UBC: variants seen among roughly 807,000 people sequenced by gnomAD.
UBC encodes polyubiquitin-C.
A neutral mutation model predicts 34.7 loss-of-function variants in UBC; 8 were observed. The ratio of observed to expected loss-of-function variants is 0.23; its 90% CI spans 0.14 to 0.42. The LOEUF is 0.42. UBC is among the 10% of genes least tolerant of loss of function. The pLI is 1.00. For synonymous variants in UBC, 367 were observed against 299.8 expected (o/e 1.22, Z -2.32); for missense variants, 323 against 750.3 (o/e 0.43, Z 6.65).
rs1953531680 is a variant in UBC at position 124,911,889 on chromosome 12, C to T, written c.1883G>A (p.Ser628Asn). 6.2e-7 allele frequency: 1 copy of T among 1,610,844 alleles called. No homozygotes were observed. Among genetic ancestry groups the T allele is most frequent in the East Asian group, 2.2e-5 (1 of 44,756 alleles). The change falls in exon 2 of 2, where the codon AGT (serine) becomes AAT (asparagine). Residue 628 changes from serine to asparagine, a missense_variant. Coordinates refer to ENST00000339647, the MANE Select transcript of UBC (RefSeq NM_021009.7). ...GKTITLEVEPSDTIENVKAKI... is the reference protein window; with the variant it reads ...GKTITLEVEPNDTIENVKAKI... ...TGCCTTGACATTCTCGATGGTGTCA[C>T]TGGGCTCCACCTCGAGGGTGATGGT...
chr12:124,914,109 C>G (rs1260186233), intron 1 of UBC: 1 of 353,488 alleles, frequency 2.8e-6, no homozygotes, highest in South Asian at 2.9e-5. Flanking sequence ...GGTGGCCCCA[C>G]CCTGCATTAT....
In UBC at chr12:124,912,630, A is replaced by C; in HGVS notation, c.1142T>G (p.Met381Arg). 1 of 1,610,166 alleles carries C rather than the reference A, an allele frequency of 6.2e-7. No individual in the cohort carries two copies. Among genetic ancestry groups the C allele is most frequent in the Non-Finnish European group, 8.5e-7 (1 of 1,179,038 alleles). Residue 381 changes from methionine (M) to arginine (R), a missense_variant, in exon 2 of 2, where the codon ATG becomes AGG. By Grantham distance (91) the Met-to-Arg change is moderately conservative. Around this residue, in one of 5 missense-constraint regions of UBC, gnomAD observed 66 missense variants for 125.4 expected, o/e 0.53. Transcript: ENST00000339647. ...LHLVLRLRGG[M>R]QIFVKTLTGK... ...AGTCAGGGTCTTCACGAAGATCTGC[A>C]TCCCACCTCTGAGACGGAGCACCAG...
chr12:124,911,913 G>T lies in UBC; in HGVS notation c.1859C>A (p.Thr620Asn). The stretch of plus-strand genomic sequence containing the variant: ...ACTGGGCTCCACCTCGAGGGTGATG[G>T]TCTTACCAGTCAGGGTCTTCACGAA... ...QIFVKTLTGK[T>N]ITLEVEPSDT... The change falls in exon 2 of 2, where the codon ACC (threonine) becomes AAC (asparagine). Residue 620 changes from threonine (T) to asparagine (N), a missense_variant. Physicochemically the swap from Thr to Asn is moderately conservative, Grantham distance 65. Transcript: ENST00000339647. 1 of 1,608,542 alleles carries T rather than the reference G, an allele frequency of 6.2e-7. No individual in the cohort carries two copies. The highest frequency in any genetic ancestry group is 8.5e-7 in the Non-Finnish European group (1 of 1,177,982).
At position 124,913,151 on chromosome 12, in the gene UBC, G is replaced by A; in HGVS notation, c.621C>T (p.Thr207=). 1 of 1,609,486 alleles carries A rather than the reference G, an allele frequency of 6.2e-7. No individual in the cohort carries two copies. Among genetic ancestry groups the A allele is most frequent in the South Asian group, 1.1e-5 (1 of 90,812 alleles). ...CTTTCTGGATGTTGTAGTCAGACAG[G>A]GTACGACCATCTTCCAGCTGTTTTC... ...FAGKQLEDGR[T]LSDYNIQKES... Residue 207 remains threonine (T), a synonymous_variant, in exon 2 of 2, where the codon ACC becomes ACT. Transcript: ENST00000339647.
rs374677601 is a variant in UBC at position 124,912,700 on chromosome 12, G to A, written c.1072C>T (p.Arg358Cys). The A allele has an allele frequency of 3.1e-6, 5 of 1,610,458 alleles. No homozygotes were observed. Among genetic ancestry groups the A allele is most frequent in the African/African-American group, 1.4e-5 (1 of 73,600 alleles). Reference protein sequence around the residue: ...IFAGKQLEDGRTLSDYNIQKE... With the variant: ...IFAGKQLEDGCTLSDYNIQKE... ...TGGATGTTGTAGTCAGACAGGGTAC[G>A]ACCATCTTCCAGCTGTTTTCCGGCA... Residue 358 changes from arginine (R) to cysteine (C), a missense_variant, in exon 2 of 2, where the codon CGT becomes TGT. Physicochemically the swap from Arg to Cys is radical, Grantham distance 180. Transcript: ENST00000339647.
rs782090374 is a variant in UBC at position 124,913,233 on chromosome 12, G to A, written c.539C>T (p.Ala180Val). ...EPSDTIENVK[A>V]KIQDKEGIPP... The stretch of plus-strand genomic sequence containing the variant: ...AATGCCTTCCTTATCTTGGATCTTT[G>A]CCTTGACATTCTCGATGGTGTCACT... The change falls in exon 2 of 2, where the codon GCA becomes GTA. Residue 180 changes from alanine to valine, a missense_variant. Physicochemically the swap from Ala to Val is moderately conservative, Grantham distance 64. Transcript: ENST00000339647. 1 of 1,611,466 alleles carries A rather than the reference G, an allele frequency of 6.2e-7. No individual in the cohort carries two copies. Among genetic ancestry groups the A allele is most frequent in the South Asian group, 1.1e-5 (1 of 90,872 alleles).
chr12:124,914,506 C>T (rs562883726), intron 1 of UBC, 81 bp downstream of exon 1: 299 of 153,268 alleles, frequency 2.0e-3, no homozygotes, highest in Non-Finnish European at 3.6e-3. Context: ...CAGCCCTTGG[C>T]GGTCTCTCCA....
In UBC at chr12:124,913,461, G is replaced by A. The variant is rs750115196; in HGVS notation, c.311C>T (p.Ala104Val). 30 of 1,611,152 alleles carry A rather than the reference G, an allele frequency of 1.9e-5. No homozygotes were observed. Among genetic ancestry groups the A allele is most frequent in the Non-Finnish European group, 2.5e-5 (30 of 1,179,062 alleles). Residue 104 changes from alanine (A) to valine (V), a missense_variant, in exon 2 of 2, where the codon GCA (alanine) becomes GTA (valine). This residue lies in a region of UBC where 202 missense variants were observed against 361.9 expected (regional missense o/e 0.56). Transcript: ENST00000339647. ...EPSDTIENVK[A>V]KIQDKEGIPP... ...AATGCCTTCCTTGTCCTGGATCTTT[G>A]CTTTGACGTTCTCGATGGTGTCACT...
Position 124,911,951 on chromosome 12 carries a change from A to G in UBC, c.1821T>C (p.Gly607=), listed in dbSNP as rs1425571556. 1.3e-6 allele frequency: 2 copies of G among 1,581,234 alleles called. No individual in the cohort carries two copies. The highest frequency in any genetic ancestry group is 8.6e-7 in the Non-Finnish European group (1 of 1,164,738). ...STLHLVLRLR[G]GMQIFVKTLT... is the part of the protein sequence containing the mutation. The stretch of plus-strand genomic sequence containing the variant: ...GGGTCTTCACGAAGATTTGCATCCC[A>G]CCTCTGAGACGGAGCACCAGGTGCA... The change falls in exon 2 of 2, where the codon GGT becomes GGC. Residue 607 remains glycine, a synonymous_variant. Transcript: ENST00000339647.
rs778822639 is a variant in UBC, at chr12:124,913,809, G to A, written c.-3-35C>T. On this transcript the variant is annotated intron_variant, in intron 1 of 1. Transcript: ENST00000339647. ...AAGCCAAAAACGGCCAGAATTTAGC[G>A]GACAATTTACTAGTCTAACACTGAA... The A allele has an allele frequency of 2.0e-5, 32 of 1,610,168 alleles. No individual in the cohort carries two copies. In the Admixed American group the frequency reaches 3.4e-4, roughly 17 times the overall value.
At position 124,913,487 on chromosome 12, in the gene UBC, G is replaced by A. The variant is rs1953556631; in HGVS notation, c.285C>T (p.Pro95=). The change falls in exon 2 of 2, where the codon CCC becomes CCT. Residue 95 remains proline, a synonymous_variant. Transcript: ENST00000339647. The stretch of plus-strand genomic sequence containing the variant: ...CTTTGACGTTCTCGATGGTGTCACT[G>A]GGCTCGACCTCAAGGGTGATGGTCT... ...TGKTITLEVE[P]SDTIENVKAK... is the part of the protein sequence containing the mutation. 1 of 1,611,048 alleles carries A rather than the reference G, an allele frequency of 6.2e-7. No homozygotes were observed. Among genetic ancestry groups the A allele is most frequent in the African/African-American group, 1.3e-5 (1 of 74,366 alleles).
chr12:124,913,856 A>G, intron 1 of UBC, 82 bp from the exon 2 acceptor site: 1 of 1,565,152 alleles, frequency 6.4e-7, no homozygotes, highest in Non-Finnish European at 8.6e-7. Context: ...GACCCAAATG[A>G]TTACATTTCA....
Position 124,911,668 on chromosome 12 carries a change from G to A in UBC, c.*46C>T, listed in dbSNP as rs80201361. On this transcript the variant is annotated 3_prime_UTR_variant, in exon 2 of 2. Transcript: ENST00000339647. ...CAATTGGGAATGCAACAACTTTATT[G>A]AAAGGAAAGTGCAATGAAATTTGTT... 563 of 1,045,160 alleles carry A rather than the reference G, an allele frequency of 5.4e-4. 4 individuals are homozygous for A. The East Asian group carries it at 9.9e-3, about 18-fold the overall frequency. 64.7% of individuals were successfully genotyped at this position (1,045,160 alleles called of 1,614,324 possible).
intron 1 of UBC, 23 bp from the exon 2 acceptor site, chr12:124,913,797 C>A: frequency 6.2e-7 from 1 of 1,612,308 alleles, no homozygotes. Flanking sequence ...CCAAAAACGG[C>A]CAGAATTTAG....
rs13624 is a variant in UBC at position 124,914,621 on chromosome 12, T to G, written c.-38A>C. On this transcript the variant is annotated 5_prime_UTR_variant, in exon 1 of 2. Transcript: ENST00000339647. ...ATCACAGCGATCCACAAACAAGAAC[T>G]GCGACCCAAATCCCGGCTGCGACGG... The G allele has an allele frequency of 3.9e-5, 6 of 152,304 alleles. No individual in the cohort carries two copies. The highest frequency in any genetic ancestry group is 1.9e-4 in the East Asian group (1 of 5,170). The allele number at this position is 152,304 out of a possible 1,614,324, so 9.4% of individuals were successfully genotyped here.
chr12:124,913,846 G>C (rs962281383), intron 1 of UBC, 72 bp from the exon 2 acceptor site: 13 of 1,574,182 alleles, frequency 8.3e-6, no homozygotes, highest in Non-Finnish European at 1.0e-5. Context: ...ATTACATATT[G>C]ACCCAAATGA....
At position 124,911,716 on chromosome 12, in the gene UBC, A is replaced by G. The variant is rs767955417; in HGVS notation, c.2056T>C (p.Ter686GlnextTer17). 13 of 1,613,572 alleles carry G rather than the reference A, an allele frequency of 8.1e-6. No individual in the cohort carries two copies. The highest frequency in any genetic ancestry group is 1.0e-5 in the Non-Finnish European group (12 of 1,179,738). ...GTTGAAACCTTAAAAGGGGAAACTT[A>G]GACACCCCCCCTCAAGCGCAGGACC... ...HLVLRLRGGV[*>Q] is the part of the protein sequence containing the mutation. The change falls in exon 2 of 2, where the codon TAA becomes CAA. Residue 686 changes from the stop codon to glutamine, a stop_lost. Coordinates refer to ENST00000339647, the MANE Select transcript of UBC (RefSeq NM_021009.7).
chr12:124,911,715 T>A lies in UBC; in HGVS notation c.2057A>T (p.Ter686LeuextTer17). ...TGTTGAAACCTTAAAAGGGGAAACT[T>A]AGACACCCCCCCTCAAGCGCAGGAC... The part of the protein sequence containing the change: ...HLVLRLRGGV[*>L] The change falls in exon 2 of 2, where the codon TAA becomes TTA. Residue 686 changes from the stop codon to leucine, a stop_lost. Transcript: ENST00000339647. 6.2e-7 allele frequency: 1 copy of A among 1,612,758 alleles called. No homozygotes were observed. Among genetic ancestry groups the A allele is most frequent in the South Asian group, 1.1e-5 (1 of 91,016 alleles).
chr12:124,913,160 A>C lies in UBC; in HGVS notation c.612T>G (p.Asp204Glu). ...TGTTGTAGTCAGACAGGGTACGACC[A>C]TCTTCCAGCTGTTTTCCGGCAAAGA... is the stretch of plus-strand genomic sequence containing the variant. ...RLIFAGKQLE[D>E]GRTLSDYNIQ... Residue 204 changes from aspartate (D) to glutamate (E), a missense_variant, in exon 2 of 2, where the codon GAT (aspartate) becomes GAG (glutamate). Asp to Glu is a conservative substitution (Grantham distance 45). Transcript: ENST00000339647. 1 of 1,610,646 alleles carries C rather than the reference A, an allele frequency of 6.2e-7. No homozygotes were observed. The highest frequency in any genetic ancestry group is 8.5e-7 in the Non-Finnish European group (1 of 1,178,506).
Sources: gnomAD v4.1 joint callset for allele counts on GRCh38, gnomAD v4.1.1 for gene constraint, gnomAD v4.1.1 regional missense constraint, MANE v1.5 for transcripts, NCBI Gene and HGNC (gene_info 2026-07-23, HGNC 2026-07-21) for gene names.